Variants in GALNTL6 observed in about 807,000 individuals in gnomAD.
The protein encoded by GALNTL6 is polypeptide N-acetylgalactosaminyltransferase-like 6.
In GALNTL6, 46 loss-of-function variants were observed where a neutral mutation model predicts 73.7. The observed-to-expected ratio is 0.62, with a 90% confidence interval of 0.49 to 0.80. The LOEUF is 0.80. Among genes scored for constraint, GALNTL6 ranks in the 30% least tolerant of loss-of-function variants. The pLI, the probability that GALNTL6 is intolerant of heterozygous loss-of-function variation, is 0.00. For missense variants in GALNTL6, 604 were observed against 755.0 expected (o/e 0.80, Z 2.34); for synonymous variants, 259 against 263.7 (o/e 0.98, Z 0.17).
At chr4:172,708,859 T>C (rs1253426826) in intron 5 of GALNTL6, among the ~76,000 whole-genome samples, 1 of 152,198 alleles carries the variant, frequency 6.6e-6, no homozygotes, top group Non-Finnish European at 1.5e-5. Context: ...TTCAGATCTC[T>C]TTCAAACTCT....
At chr4:172,943,753 CAACTTAGCAACAACA>C (rs1749024116) in intron 9 of GALNTL6, among the ~76,000 whole-genome samples, 1 of 152,170 alleles carries the variant, frequency 6.6e-6, no homozygotes, top group Non-Finnish European at 1.5e-5. Flanking sequence ...AGAACTCCTA[CAACTTAGCAACAACA>C]AACACACAAC....
intron 5 of GALNTL6, among the ~76,000 whole-genome samples, chr4:172,436,898 TGC>T: frequency 6.6e-6 from 1 of 152,156 alleles, no homozygotes. Flanking sequence ...TTGGTGGATT[TGC>T]AGTCTAGCTG....
chr4:171,991,708 T>C (rs1197666125), intron 2 of GALNTL6, among the ~76,000 whole-genome samples: 3 of 108,600 alleles, frequency 2.8e-5, no homozygotes, highest in African/African-American at 9.5e-5. Flanking sequence ...TTGAGTTTGA[T>C]TATATGTGTG....
At chr4:172,153,259 T>C (rs1237229443) in intron 2 of GALNTL6, among the ~76,000 whole-genome samples, 1 of 152,194 alleles carries the variant, frequency 6.6e-6, no homozygotes, top group African/African-American at 2.4e-5. Flanking sequence ...TCATTGCTTT[T>C]AAGAAGGCCT....
chr4:172,723,797 A>C (rs1735636229), intron 5 of GALNTL6, among the ~76,000 whole-genome samples: 1 of 152,142 alleles, frequency 6.6e-6, no homozygotes. Context: ...TAGGTATCAA[A>C]GAGTGAAGTG....
rs181898372 is a variant in GALNTL6 at position 172,756,544 on chromosome 4, C to T, written c.554-52817C>T. On this transcript the variant is annotated intron_variant, in intron 5 of 12. Coordinates refer to ENST00000506823, the MANE Select transcript of GALNTL6 (RefSeq NM_001034845.3). The stretch of plus-strand genomic sequence containing the variant: ...CCTGCAATCCCAGCTACTTAGGAGG[C>T]TGAAGCAGGAGAATCGCTTGAACCC... 1.7e-3 allele frequency among the ~76,000 whole-genome samples: 251 copies of T among 151,958 alleles called. 1 individual carries two copies. Among genetic ancestry groups the T allele is most frequent in the Non-Finnish European group, 2.5e-3 (172 of 67,972 alleles).
intron 10 of GALNTL6, among the ~76,000 whole-genome samples, chr4:172,965,250 C>T (rs143731761): frequency 1.3e-5 from 2 of 152,260 alleles, no homozygotes; most frequent in Non-Finnish European, 2.9e-5. Context: ...GAGTTTTCAA[C>T]ATTGAGACAG....
chr4:171,884,083 G>A (rs1420142003), intron 2 of GALNTL6, among the ~76,000 whole-genome samples: 9 of 151,942 alleles, frequency 5.9e-5, no homozygotes, highest in Non-Finnish European at 1.3e-4. Flanking sequence ...TTTCTCTCTC[G>A]AAAAGTTGCA....
chr4:172,309,460 A>C (rs928432754), intron 3 of GALNTL6, among the ~76,000 whole-genome samples: 2 of 152,076 alleles, frequency 1.3e-5, no homozygotes, highest in African/African-American at 2.4e-5. Context: ...CTTGTTTTAA[A>C]GGGTACTAGA....
intron 8 of GALNTL6, among the ~76,000 whole-genome samples, chr4:172,924,857 T>G (rs1466058846): frequency 6.6e-6 from 1 of 151,972 alleles, no homozygotes; most frequent in Non-Finnish European, 1.5e-5. Flanking sequence ...ATGCTCAGAT[T>G]TATGTTTTTT....
intron 5 of GALNTL6, among the ~76,000 whole-genome samples, chr4:172,428,995 C>T (rs1157776096): frequency 5.9e-5 from 9 of 152,004 alleles, no homozygotes; most frequent in Admixed American, 1.3e-4. Context: ...CCGGCTGATT[C>T]GGTGTCTGCT....
chr4:171,894,853 A>G (rs1399811420), intron 2 of GALNTL6, among the ~76,000 whole-genome samples: 2 of 151,688 alleles, frequency 1.3e-5, no homozygotes, highest in East Asian at 3.9e-4. Context: ...TTTTTTTTTC[A>G]TGGAAATTCA....
At chr4:172,051,114 C>T (rs1730845493) in intron 2 of GALNTL6, among the ~76,000 whole-genome samples, 1 of 152,090 alleles carries the variant, frequency 6.6e-6, no homozygotes, top group African/African-American at 2.4e-5. Context: ...CCCTGACCCC[C>T]CTACAGGATG....
At chr4:171,963,645 T>C (rs1739296663) in intron 2 of GALNTL6, among the ~76,000 whole-genome samples, 2 of 152,226 alleles carry the variant, frequency 1.3e-5, no homozygotes, top group African/African-American at 4.8e-5. Context: ...TAAGGAGTGA[T>C]GGTAACCTAA....
intron 4 of GALNTL6, among the ~76,000 whole-genome samples, chr4:172,343,137 A>G (rs1741628571): frequency 6.6e-6 from 1 of 152,212 alleles, no homozygotes. Flanking sequence ...TAAGTAAAAC[A>G]AAAAACAAAC....
intron 10 of GALNTL6, among the ~76,000 whole-genome samples, chr4:172,979,842 G>A (rs1750991893): frequency 6.6e-6 from 1 of 152,182 alleles, no homozygotes; most frequent in Admixed American, 6.5e-5. Context: ...CAGGAATAGA[G>A]GGGTAAAATA....
chr4:172,156,571 A>AGTATATATGTATAT (rs751638637), intron 2 of GALNTL6, among the ~76,000 whole-genome samples: 1 of 70,964 alleles, frequency 1.4e-5, no homozygotes, highest in African/African-American at 6.3e-5. Flanking sequence ...ATATATACAT[A>AGTATATATGTATAT]CTATATATAT....
intron 2 of GALNTL6, among the ~76,000 whole-genome samples, chr4:172,107,665 A>C (rs56167570): frequency 0.026 from 2,821 of 109,886 alleles, 37 homozygotes; most frequent in Non-Finnish European, 0.034. Context: ...ATCACACACC[A>C]GGGCCTGTTG....
intron 2 of GALNTL6, among the ~76,000 whole-genome samples, chr4:172,198,286 A>T (rs1296362118): frequency 1.3e-5 from 2 of 152,078 alleles, no homozygotes; most frequent in African/African-American, 2.4e-5. Flanking sequence ...CATCAAAAAA[A>T]AAAATAAAAC....
Sources: gnomAD v4.1 joint callset for allele counts (sites outside exome capture counted in the v4.1 genomes callset) on GRCh38, gnomAD v4.1.1 for gene constraint, MANE v1.5 for transcripts, NCBI Gene and HGNC (gene_info 2026-07-23, HGNC 2026-07-21) for gene names.